VCL: variants seen among roughly 807,000 people sequenced by gnomAD.
VCL encodes the protein epididymis luminal protein 114.
In VCL, 47 loss-of-function variants were observed where a neutral mutation model predicts 125.7. The ratio of observed to expected loss-of-function variants is 0.37; its 90% CI spans 0.30 to 0.48. VCL has a LOEUF of 0.48. VCL is among the 20% of genes least tolerant of loss of function. The probability of loss-of-function intolerance (pLI) is 0.99; values close to 1 mark genes in which losing one functional copy is unlikely to be tolerated. For synonymous variants in VCL, 458 were observed against 514.6 expected, an observed-to-expected ratio of 0.89 and a Z score of 1.49; for missense variants, 1,069 against 1,455.5, an observed-to-expected ratio of 0.73 and a Z score of 4.32.
chr10:74,104,968 T>G, intron 15 of VCL, 83 bp from the exon 16 acceptor site: 284 of 1,452,364 alleles, frequency 2.0e-4, no homozygotes, highest in Non-Finnish European at 2.4e-4. Context: ...TACTTTCTCA[T>G]GAGAAGTTTG....
chr10:74,072,696 A>G, intron 4 of VCL, 34 bp from the exon 5 acceptor site: 1 of 1,613,708 alleles, frequency 6.2e-7, no homozygotes, highest in Non-Finnish European at 8.5e-7. Context: ...TTGTTTCACT[A>G]CTCACCCTGC....
intron 18 of VCL, among the ~76,000 whole-genome samples, chr10:74,111,315 T>TA (rs1339954049): frequency 6.6e-6 from 1 of 152,218 alleles, no homozygotes; most frequent in Non-Finnish European, 1.5e-5. Context: ...TGGTATTCGT[T>TA]ACCTCTGATG....
In VCL at chr10:74,070,831, T is replaced by G. The variant is rs764668318; in HGVS notation, c.390+11T>G. On this transcript the variant is annotated intron_variant, in intron 3 of 21. Transcript: ENST00000211998. ...TTCGATGAGGCTGAGGTAGGCAATC[T>G]GAGACAAAAAGCCTACTCTTGAAGA... is the stretch of plus-strand genomic sequence containing the variant. 5 of 1,613,978 alleles carry G rather than the reference T, an allele frequency of 3.1e-6. No homozygotes were observed. In the East Asian group the frequency reaches 1.1e-4, roughly 36 times the overall value.
rs573524637 is a variant in VCL at position 74,064,338 on chromosome 10, T to G, written c.240-6332T>G. 1.3e-3 allele frequency among the ~76,000 whole-genome samples: 204 copies of G among 152,274 alleles called. 1 individual carries two copies. Among genetic ancestry groups the G allele is most frequent in the Non-Finnish European group, 2.5e-3 (171 of 68,028 alleles). On this transcript the variant is annotated intron_variant, in intron 2 of 21. Coordinates refer to ENST00000211998, the MANE Select transcript of VCL (RefSeq NM_014000.3). ...CTCTCTGACCATGCCTTGATGTTTCTGGAACCAGCTCCCGTTTTGAAGCTA... is the reference window on the plus strand; with the variant it reads ...CTCTCTGACCATGCCTTGATGTTTCGGGAACCAGCTCCCGTTTTGAAGCTA...
chr10:74,021,269 C>T (rs1036267381), intron 1 of VCL, among the ~76,000 whole-genome samples: 3 of 152,040 alleles, frequency 2.0e-5, no homozygotes, highest in South Asian at 2.1e-4. Flanking sequence ...TAATTGTGTT[C>T]GTGTCTGTTT....
At chr10:74,104,009 C>A in intron 15 of VCL, 81 bp downstream of exon 15, 1 of 1,397,168 alleles carries the variant, frequency 7.2e-7, no homozygotes, top group Non-Finnish European at 1.0e-6. Context: ...GGTTCTGTTA[C>A]TCAGCTGTAA....
At chr10:74,047,603 A>G (rs1841215233) in intron 2 of VCL, among the ~76,000 whole-genome samples, 1 of 152,204 alleles carries the variant, frequency 6.6e-6, no homozygotes, top group African/African-American at 2.4e-5. Context: ...TAAAATATTT[A>G]AACATTTATT....
chr10:74,030,965 A>G (rs1228177233), intron 1 of VCL, among the ~76,000 whole-genome samples: 2 of 152,228 alleles, frequency 1.3e-5, no homozygotes, highest in Non-Finnish European at 2.9e-5. Flanking sequence ...CCCAAATTCT[A>G]CACAAAATCC....
At chr10:74,035,472 C>T (rs1397926255) in intron 1 of VCL, among the ~76,000 whole-genome samples, 5 of 152,040 alleles carry the variant, frequency 3.3e-5, no homozygotes, top group African/African-American at 9.7e-5. Context: ...CCTGCCAAGC[C>T]CCCTAAAAAT....
At chr10:74,121,091 T>C (rs1290761092), downstream of VCL, 1 of 152,232 alleles carries the variant, frequency 6.6e-6, no homozygotes, top group Non-Finnish European at 1.5e-5. Flanking sequence ...TGCTTTATCT[T>C]GGAAAGTTGC....
At chr10:74,070,457 G>T (rs939929787) in intron 2 of VCL, among the ~76,000 whole-genome samples, 3 of 152,102 alleles carry the variant, frequency 2.0e-5, no homozygotes, top group East Asian at 1.9e-4. Context: ...TTGAAACAGG[G>T]TCTCTCAAAA....
At chr10:74,058,829 T>C (rs1406263938) in intron 2 of VCL, among the ~76,000 whole-genome samples, 4 of 152,148 alleles carry the variant, frequency 2.6e-5, no homozygotes, top group Admixed American at 2.6e-4. Context: ...TTTGTGATGG[T>C]AGACTGCCCT....
intron 1 of VCL, among the ~76,000 whole-genome samples, chr10:74,038,308 C>T (rs1051293284): frequency 5.9e-5 from 9 of 152,102 alleles, no homozygotes; most frequent in African/African-American, 2.2e-4. Flanking sequence ...ATGCTGGGAA[C>T]ATTCCAAGTG....
At chr10:74,064,261 C>T (rs1424475949) in intron 2 of VCL, among the ~76,000 whole-genome samples, 1 of 152,176 alleles carries the variant, frequency 6.6e-6, no homozygotes, top group Non-Finnish European at 1.5e-5. Context: ...AGATTTCATG[C>T]TGCCTGGGTG....
At chr10:74,082,779 G>T (rs1482075841) in intron 7 of VCL, among the ~76,000 whole-genome samples, 7 of 152,156 alleles carry the variant, frequency 4.6e-5, no homozygotes, top group Non-Finnish European at 2.9e-5. Flanking sequence ...ACTGAGCTGG[G>T]CATTCTTTGC....
intron 1 of VCL, among the ~76,000 whole-genome samples, chr10:74,017,214 A>AT (rs1840562489): frequency 6.7e-6 from 1 of 149,604 alleles, no homozygotes; most frequent in Admixed American, 6.6e-5. Flanking sequence ...CGCCCGGCTA[A>AT]TTTTTTGTAT....
Position 74,105,312 on chromosome 10 carries a change from T to C in VCL, c.2393T>C (p.Val798Ala), listed in dbSNP as rs759650076. The C allele has an allele frequency of 8.1e-6, 13 of 1,612,524 alleles. No individual in the cohort carries two copies. The highest frequency in any genetic ancestry group is 7.6e-6 in the Non-Finnish European group (9 of 1,179,936). The change falls in exon 16 of 22, where the codon GTG becomes GCG. Residue 798 changes from valine (V) to alanine (A), a missense_variant. By Grantham distance (64) the Val-to-Ala change is moderately conservative. This residue lies in a region of VCL where 760 missense variants were observed against 928.9 expected (regional missense o/e 0.82). Coordinates refer to ENST00000211998, the MANE Select transcript of VCL (RefSeq NM_014000.3). The stretch of plus-strand genomic sequence containing the variant: ...TTGAGCAAAACCATCTCCCCGATGG[T>C]GATGGATGCAAAAGCTGTGGCTGGA... ...DELSKTISPM[V>A]MDAKAVAGNI...
chr10:74,030,203 G>C (rs1352298058), intron 1 of VCL, among the ~76,000 whole-genome samples: 1 of 152,190 alleles, frequency 6.6e-6, no homozygotes, highest in Non-Finnish European at 1.5e-5. Context: ...ACTGGAAAAT[G>C]CCGGCCCTAA....
intron 1 of VCL, among the ~76,000 whole-genome samples, chr10:74,032,699 CAA>C (rs749212293): frequency 1.8e-4 from 25 of 138,270 alleles, no homozygotes; most frequent in African/African-American, 5.9e-4. Context: ...GTCTCGGTCT[CAA>C]AAAAAAAAAT....
Sources: gnomAD v4.1 joint callset for allele counts (sites outside exome capture counted in the v4.1 genomes callset) on GRCh38, gnomAD v4.1.1 for gene constraint, gnomAD v4.1.1 regional missense constraint, MANE v1.5 for transcripts, NCBI Gene and HGNC (gene_info 2026-07-23, HGNC 2026-07-21) for gene names.